The following KIF20B variants were observed in gnomAD, a reference collection of about 807,000 sequenced individuals.
The protein encoded by KIF20B is kinesin-like protein KIF20B.
A neutral mutation model predicts 232.5 loss-of-function variants in KIF20B; 188 were observed. The observed-to-expected ratio is 0.81, with a 90% CI of 0.72 to 0.91. The LOEUF (loss-of-function observed/expected upper bound fraction) is 0.91. KIF20B is among the 40% of genes least tolerant of loss of function. The pLI, the probability that KIF20B is intolerant of heterozygous loss-of-function variation, is 0.00. For missense variants in KIF20B, 2,154 were observed against 2,055.9 expected, an observed-to-expected ratio of 1.05 and a Z score of -0.92; for synonymous variants, 712 against 683.0, an observed-to-expected ratio of 1.04 and a Z score of -0.66.
rs1589854744 is a variant in KIF20B at position 89,716,431 on chromosome 10, T to A, written c.941-5T>A. On this transcript the variant is annotated splice_polypyrimidine_tract_variant and splice_region_variant and intron_variant, in intron 8 of 32. Transcript: ENST00000371728. ...ATTAATATATATCCTCTTTATTTTT[T>A]AAAGATCTACAATGGATTCAAGTAT... 1 of 1,242,244 alleles carries A rather than the reference T, an allele frequency of 8.0e-7. No homozygotes were observed. The highest frequency in any genetic ancestry group is 1.3e-5 in the South Asian group (1 of 76,480). The allele number at this position is 1,242,244 out of a possible 1,614,324, so 77.0% of individuals were successfully genotyped here. A position where few individuals can be genotyped will look rare whatever the true frequency, so the allele number is the denominator to read the frequency against.
chr10:89,752,765 T>A (rs1842047573), intron 25 of KIF20B, 74 bp downstream of exon 25: 1 of 1,105,216 alleles, frequency 9.0e-7, no homozygotes, highest in East Asian at 3.1e-5. Flanking sequence ...GAGAATTCAG[T>A]ATTTTATATT....
chr10:89,712,695 A>T (rs931892647), intron 6 of KIF20B, among the ~76,000 whole-genome samples: 4 of 152,174 alleles, frequency 2.6e-5, no homozygotes, highest in Non-Finnish European at 5.9e-5. Context: ...ATATACTGTG[A>T]GGAGGTATTG....
intron 1 of KIF20B, among the ~76,000 whole-genome samples, chr10:89,703,789 T>C (rs1370022541): frequency 1.3e-5 from 2 of 151,298 alleles, no homozygotes; most frequent in African/African-American, 2.4e-5. Context: ...AGTCTTGCTC[T>C]GTGTTCAGGC....
intron 29 of KIF20B, among the ~76,000 whole-genome samples, chr10:89,767,495 T>C (rs1372091151): frequency 2.0e-5 from 3 of 152,054 alleles, no homozygotes; most frequent in Non-Finnish European, 2.9e-5. Flanking sequence ...ATGACCCTTA[T>C]AACTTCTGCT....
intron 11 of KIF20B, 151 bp from the exon 12 acceptor site, chr10:89,718,559 T>G: frequency 1.6e-6 from 1 of 619,062 alleles, no homozygotes; most frequent in South Asian, 2.0e-5. Context: ...AAAAGAAAAC[T>G]GAGAAGGACT....
chr10:89,720,294 ATTTC>A (rs1311421665), intron 13 of KIF20B, among the ~76,000 whole-genome samples: 1 of 152,154 alleles, frequency 6.6e-6, no homozygotes, highest in Non-Finnish European at 1.5e-5. Flanking sequence ...TTGTTTGATT[ATTTC>A]TTCATGATTT....
chr10:89,725,130 A>C lies in KIF20B; in HGVS notation c.1973A>C (p.Asp658Ala). The C allele has an allele frequency of 6.2e-7, 1 of 1,614,056 alleles. No homozygotes were observed. The change falls in exon 15 of 33, where the codon GAC (aspartate) becomes GCC (alanine). Residue 658 changes from aspartate (D) to alanine (A), a missense_variant. By Grantham distance (126) the Asp-to-Ala change is moderately radical. Coordinates refer to ENST00000371728, the MANE Select transcript of KIF20B (RefSeq NM_001284259.2). The stretch of plus-strand genomic sequence containing the variant: ...GACACTCGAGAAGAAGCAGCGAAAG[A>C]CATTTGTGCCACAAAAGTTGAAACT... ...KCDTREEAAKDICATKVETEE... is the reference protein window; with the variant it reads ...KCDTREEAAKAICATKVETEE...
chr10:89,723,862 C>A, intron 13 of KIF20B, 102 bp from the exon 14 acceptor site: 3 of 931,574 alleles, frequency 3.2e-6, no homozygotes, highest in Admixed American at 4.0e-5. Context: ...CACAGAATTA[C>A]AATTGACTAA....
At chr10:89,710,829 T>C in intron 5 of KIF20B, 132 bp from the exon 6 acceptor site, 1 of 587,570 alleles carries the variant, frequency 1.7e-6, no homozygotes, top group Non-Finnish European at 2.9e-6. Context: ...AACTGAGTAA[T>C]CCTTAGCTAT....
chr10:89,764,584 C>T (rs1056639797), intron 29 of KIF20B, among the ~76,000 whole-genome samples: 1 of 152,150 alleles, frequency 6.6e-6, no homozygotes, highest in Non-Finnish European at 1.5e-5. Flanking sequence ...TAATGATGGC[C>T]ATTCTAACTG....
At chr10:89,757,678 CA>C (rs372384310) in intron 26 of KIF20B, among the ~76,000 whole-genome samples, 5 of 151,838 alleles carry the variant, frequency 3.3e-5, no homozygotes, top group African/African-American at 1.2e-4. Context: ...AGATAGTGGT[CA>C]AAGCTCTTGA....
In KIF20B at chr10:89,709,942, A is replaced by T. The variant is rs541129006; in HGVS notation, c.367A>T (p.Thr123Ser). ...FSFSKVFGPA[T>S]TQKEFFQGCI... ...GTTTGCTTAGGTTTTTGGCCCAGCAACTACACAGAAGGAATTCTTTCAGGG... is the reference window on the plus strand; with the variant it reads ...GTTTGCTTAGGTTTTTGGCCCAGCATCTACACAGAAGGAATTCTTTCAGGG... Residue 123 changes from threonine to serine, a missense_variant, in exon 5 of 33, where the codon ACT (threonine) becomes TCT (serine). By Grantham distance (58) the Thr-to-Ser change is moderately conservative. Transcript: ENST00000371728. 1 of 1,583,552 alleles carries T rather than the reference A, an allele frequency of 6.3e-7. No homozygotes were observed. Among genetic ancestry groups the T allele is most frequent in the Admixed American group, 1.9e-5 (1 of 52,114 alleles).
At chr10:89,751,574 G>A (rs1238500578) in intron 24 of KIF20B, 103 bp downstream of exon 24, 2 of 1,074,964 alleles carry the variant, frequency 1.9e-6, no homozygotes, top group Non-Finnish European at 2.7e-6. Flanking sequence ...TTCAGTGATT[G>A]ATAATGGAAA....
intron 5 of KIF20B, 28 bp from the exon 6 acceptor site, chr10:89,710,933 G>T (rs746002000): frequency 2.2e-5 from 35 of 1,575,674 alleles, no homozygotes; most frequent in Admixed American, 3.8e-5. Flanking sequence ...TAGACTGAGA[G>T]AGTATAACAC....
chr10:89,768,037 C>T (rs996251443), intron 29 of KIF20B, among the ~76,000 whole-genome samples: 2 of 151,964 alleles, frequency 1.3e-5, no homozygotes, highest in Non-Finnish European at 2.9e-5. Flanking sequence ...GCTATCTATC[C>T]TGTGCATTGT....
intron 13 of KIF20B, 138 bp from the exon 14 acceptor site, chr10:89,723,826 G>T: frequency 4.1e-6 from 3 of 725,130 alleles, no homozygotes; most frequent in Non-Finnish European, 5.7e-6. Context: ...AATTTTCAGT[G>T]AGAACATTAT....
intron 18 of KIF20B, among the ~76,000 whole-genome samples, chr10:89,730,110 A>G (rs1469223815): frequency 6.6e-6 from 1 of 152,164 alleles, no homozygotes; most frequent in African/African-American, 2.4e-5. Context: ...GGCATTTGAT[A>G]CCACAGGGGT....
intron 20 of KIF20B, 23 bp from the exon 21 acceptor site, chr10:89,738,935 G>T: frequency 6.2e-7 from 1 of 1,604,322 alleles, no homozygotes; most frequent in Non-Finnish European, 8.5e-7. Flanking sequence ...CATTACCATA[G>T]AAAAGTGGTT....
In KIF20B at chr10:89,754,543, A is replaced by G. The variant is rs372851514; in HGVS notation, c.4373A>G (p.Asp1458Gly). The G allele has an allele frequency of 1.0e-5, 16 of 1,599,418 alleles. No individual in the cohort carries two copies. In the African/African-American group the frequency reaches 2.0e-4, roughly 20 times the overall value. Reference protein sequence around the residue: ...LQESEQKYNADRKKWLEEKMM... With the variant: ...LQESEQKYNAGRKKWLEEKMM... ...GAGTCTGAACAGAAATATAATGCTG[A>G]TAGAAAGAAATGGTTAGAAGAAAAA... is the stretch of plus-strand genomic sequence containing the variant. The change falls in exon 26 of 33, where the codon GAT (aspartate) becomes GGT (glycine). Residue 1458 changes from aspartate (D) to glycine (G), a missense_variant. Coordinates refer to ENST00000371728, the MANE Select transcript of KIF20B (RefSeq NM_001284259.2).
Sources: gnomAD v4.1 joint callset for allele counts (sites outside exome capture counted in the v4.1 genomes callset) on GRCh38, gnomAD v4.1.1 for gene constraint, MANE v1.5 for transcripts, NCBI Gene and HGNC (gene_info 2026-07-23, HGNC 2026-07-21) for gene names.